QKI: variants seen among roughly 807,000 people sequenced by gnomAD.
The protein encoded by QKI is QKI, KH domain containing RNA binding, also known as KH domain-containing RNA-binding protein QKI.
QKI carries 10 observed loss-of-function variants against 39.0 expected under a neutral mutation model. The ratio of observed to expected loss-of-function variants is 0.26; its 90% confidence interval spans 0.16 to 0.43. The LOEUF is 0.43. Ranked by LOEUF, QKI falls within the 20% of genes least tolerant of loss-of-function variation. The pLI is 1.00. For missense variants in QKI, 218 were observed against 428.0 expected, an observed-to-expected ratio of 0.51 and a Z score of 4.33; for synonymous variants, 204 against 155.4, an observed-to-expected ratio of 1.31 and a Z score of -2.33.
At chr6:163,559,535 ATACT>A (rs1415277137) in intron 4 of QKI, among the ~76,000 whole-genome samples, 4 of 152,290 alleles carry the variant, frequency 2.6e-5, no homozygotes, top group Admixed American at 2.6e-4. Context: ...TTCTAAGATC[ATACT>A]TACTTTTTGT....
intron 1 of QKI, among the ~76,000 whole-genome samples, chr6:163,450,659 C>G (rs946101197): frequency 6.6e-6 from 1 of 151,540 alleles, no homozygotes; most frequent in Non-Finnish European, 1.5e-5. Flanking sequence ...ATAATTAAAG[C>G]AGAGAAATGT....
chr6:163,530,142 C>T (rs1780762993), intron 3 of QKI, among the ~76,000 whole-genome samples: 1 of 152,156 alleles, frequency 6.6e-6, no homozygotes. Context: ...TAGTCATGAG[C>T]TATTTTTTTC....
chr6:163,467,917 T>C (rs752801110), intron 2 of QKI, among the ~76,000 whole-genome samples: 3 of 152,122 alleles, frequency 2.0e-5, no homozygotes, highest in Non-Finnish European at 2.9e-5. Context: ...AATTTAAAAC[T>C]GCACTTTCAA....
chr6:163,570,468 T>TG (rs1783637865), intron 7 of QKI: 2 of 975,510 alleles, frequency 2.1e-6, no homozygotes, highest in Non-Finnish European at 2.4e-6. Flanking sequence ...TTTGTGGGAG[T>TG]GGGCTCTTCT....
intron 4 of QKI, among the ~76,000 whole-genome samples, chr6:163,535,650 G>A (rs993693911): frequency 6.6e-6 from 1 of 151,970 alleles, no homozygotes; most frequent in African/African-American, 2.4e-5. Flanking sequence ...AAAAACTAGG[G>A]CTGGGTGCGG....
intron 3 of QKI, among the ~76,000 whole-genome samples, chr6:163,493,753 C>T (rs1039737923): frequency 6.6e-6 from 1 of 152,082 alleles, no homozygotes; most frequent in Admixed American, 6.6e-5. Context: ...TTCAAAATTG[C>T]CTTTCAACTT....
At chr6:163,503,137 ATTTTTTT>A (rs57383986) in intron 3 of QKI, among the ~76,000 whole-genome samples, 5 of 99,998 alleles carry the variant, frequency 5.0e-5, no homozygotes, top group African/African-American at 1.8e-4. Flanking sequence ...GGCCCCTTGT[ATTTTTTT>A]TTTTTTTTTT....
intron 3 of QKI, among the ~76,000 whole-genome samples, chr6:163,482,054 G>A (rs140127116): frequency 1.7e-4 from 26 of 152,076 alleles, no homozygotes; most frequent in African/African-American, 4.8e-4. Flanking sequence ...GTGTGGTGGC[G>A]TGCACCTGTA....
intron 3 of QKI, among the ~76,000 whole-genome samples, chr6:163,524,182 G>A (rs183241762): frequency 9.2e-5 from 14 of 152,270 alleles, no homozygotes; most frequent in African/African-American, 2.9e-4. Flanking sequence ...GGAGGGCAGG[G>A]TTAGTGTTTT....
At chr6:163,444,514 G>T (rs1347688332) in intron 1 of QKI, among the ~76,000 whole-genome samples, 1 of 149,948 alleles carries the variant, frequency 6.7e-6, no homozygotes, top group Admixed American at 6.7e-5. Flanking sequence ...AGTTCAAAGT[G>T]TGTGTGTTTT....
chr6:163,564,943 A>G (rs1369667780), intron 6 of QKI: 1 of 1,336,874 alleles, frequency 7.5e-7, no homozygotes, highest in Admixed American at 3.3e-5. Flanking sequence ...GAAAATCTTT[A>G]ATGAACTGGA....
At chr6:163,570,469 G>A in intron 7 of QKI, 1 of 974,432 alleles carries the variant, frequency 1.0e-6, no homozygotes, top group East Asian at 1.2e-4. Context: ...TTGTGGGAGT[G>A]GGCTCTTCTT....
intron 1 of QKI, among the ~76,000 whole-genome samples, chr6:163,433,781 T>C (rs918923966): frequency 6.6e-6 from 1 of 151,862 alleles, no homozygotes; most frequent in Non-Finnish European, 1.5e-5. Flanking sequence ...AAAAAAAGAA[T>C]GAACCACGAA....
chr6:163,477,140 C>G (rs1406012837), intron 2 of QKI, among the ~76,000 whole-genome samples: 1 of 151,876 alleles, frequency 6.6e-6, no homozygotes, highest in African/African-American at 2.4e-5. Context: ...CTCGGCCACC[C>G]AGGTAGCTGG....
chr6:163,417,131 C>T (rs1389605721), intron 1 of QKI, among the ~76,000 whole-genome samples: 2 of 152,130 alleles, frequency 1.3e-5, no homozygotes, highest in Admixed American at 6.5e-5. Context: ...ATTGAAAATA[C>T]TTTCCTTAAA....
At chr6:163,506,253 C>A (rs1478290686) in intron 3 of QKI, among the ~76,000 whole-genome samples, 3 of 152,126 alleles carry the variant, frequency 2.0e-5, no homozygotes, top group Admixed American at 6.5e-5. Context: ...GAGAGATTTT[C>A]ATTATTCTTG....
At chr6:163,521,086 TAAGTG>T (rs1458309026) in intron 3 of QKI, among the ~76,000 whole-genome samples, 1 of 152,164 alleles carries the variant, frequency 6.6e-6, no homozygotes, top group Non-Finnish European at 1.5e-5. Flanking sequence ...CTTTGGAATT[TAAGTG>T]AAGAAAGAAC....
At chr6:163,470,409 G>A (rs1286492769) in intron 2 of QKI, among the ~76,000 whole-genome samples, 2 of 152,086 alleles carry the variant, frequency 1.3e-5, no homozygotes, top group Non-Finnish European at 2.9e-5. Context: ...ATCCTGGGTT[G>A]CTAGTAATAG....
At chr6:163,445,398 T>C (rs1438049696) in intron 1 of QKI, among the ~76,000 whole-genome samples, 1 of 152,204 alleles carries the variant, frequency 6.6e-6, no homozygotes, top group East Asian at 1.9e-4. Flanking sequence ...TTGTATTTAG[T>C]AGTGATGTCT....
Sources: allele counts gnomAD v4.1 joint callset (sites outside exome capture counted in the v4.1 genomes callset), GRCh38; gene constraint gnomAD v4.1.1; transcripts MANE v1.5; gene names NCBI Gene and HGNC (gene_info 2026-07-23, HGNC 2026-07-21).